The following COL4A3 variants were observed in gnomAD, a reference collection of about 807,000 sequenced individuals.
COL4A3 encodes collagen type IV alpha 3 chain, also known as collagen alpha-3(IV) chain.
COL4A3 carries 135 observed loss-of-function variants against 217.4 expected under a neutral mutation model. That is an observed-to-expected ratio of 0.62 (90% CI 0.54 to 0.72). The LOEUF is 0.72. Among genes scored for constraint, COL4A3 ranks in the 30% least tolerant of loss-of-function variants. The pLI, the probability that COL4A3 is intolerant of heterozygous loss-of-function variation, is 0.00. For synonymous variants in COL4A3, 690 were observed against 736.3 expected (o/e 0.94, Z 1.02); for missense variants, 1,868 against 2,119.9 (o/e 0.88, Z 2.33).
At chr2:227,222,510 T>C (rs1574609114) in intron 1 of COL4A3, 1 of 152,138 alleles carries the variant, frequency 6.6e-6, no homozygotes, top group African/African-American at 2.4e-5. Context: ...AATGTAGAGA[T>C]GAGTAAGATG....
chr2:227,178,116 T>G (rs1163050192), intron 1 of COL4A3, among the ~76,000 whole-genome samples: 1 of 152,182 alleles, frequency 6.6e-6, no homozygotes, highest in Non-Finnish European at 1.5e-5. Flanking sequence ...GACTCACACC[T>G]GGAATCTCAG....
At chr2:227,275,504 A>C (rs1380207849) in intron 26 of COL4A3, among the ~76,000 whole-genome samples, 3 of 152,126 alleles carry the variant, frequency 2.0e-5, no homozygotes, top group African/African-American at 7.2e-5. Flanking sequence ...CTAAGTGTGA[A>C]TCTTTACTAA....
At chr2:227,295,899 T>C (rs1372074768) in intron 41 of COL4A3, among the ~76,000 whole-genome samples, 1 of 152,232 alleles carries the variant, frequency 6.6e-6, no homozygotes, top group African/African-American at 2.4e-5. Context: ...CTTTACAAGA[T>C]AAACAGCTTC....
chr2:227,169,911 G>A (rs1450892595), intron 1 of COL4A3, among the ~76,000 whole-genome samples: 1 of 152,048 alleles, frequency 6.6e-6, no homozygotes, highest in Non-Finnish European at 1.5e-5. Flanking sequence ...TGATCACTAT[G>A]TTTATATTAA....
At position 227,277,322 on chromosome 2, in the gene COL4A3, GAAA is replaced by G. The variant is rs59353048; in HGVS notation, c.2021-111_2021-109del. 66,111 of 529,190 alleles carry G rather than the reference GAAA, an allele frequency of 0.12. 23 individuals carry two copies. The highest frequency in any genetic ancestry group is 0.16 in the Middle Eastern group (385 of 2,458). 32.8% of individuals were successfully genotyped at this position (529,190 alleles called of 1,614,324 possible). On this transcript the variant is annotated intron_variant, in intron 27 of 51. Transcript: ENST00000396578. ...CGACAGACCGAAACTCCATCAACAG[GAAA>G]AAAAAAAAAAAAAAACAATGTGCAA...
chr2:227,268,671 G>A (rs1313030197), intron 23 of COL4A3: 2 of 152,152 alleles, frequency 1.3e-5, no homozygotes, highest in African/African-American at 4.8e-5. Context: ...GGCTGCCCCT[G>A]CCCTGACTCA....
chr2:227,249,232 T>TATATATATATATATA (rs1559865184), intron 9 of COL4A3, among the ~76,000 whole-genome samples: 2 of 14,206 alleles, frequency 1.4e-4, no homozygotes, highest in African/African-American at 3.7e-4. Context: ...ATATATATAT[T>TATATATATATATATA]TTTTTTTTTT....
At chr2:227,217,865 CATT>C (rs2067584503) in intron 1 of COL4A3, among the ~76,000 whole-genome samples, 1 of 151,946 alleles carries the variant, frequency 6.6e-6, no homozygotes, top group African/African-American at 2.4e-5. Flanking sequence ...TACAGTTAAA[CATT>C]ATTCTGGACA....
At chr2:227,272,506 A>G (rs2071301485) in intron 25 of COL4A3, among the ~76,000 whole-genome samples, 2 of 152,256 alleles carry the variant, frequency 1.3e-5, no homozygotes. Flanking sequence ...AAAACTAGAC[A>G]GTTTATGAGA....
intron 2 of COL4A3, among the ~76,000 whole-genome samples, chr2:227,239,917 C>G (rs753173923): frequency 6.6e-6 from 1 of 152,138 alleles, no homozygotes; most frequent in Non-Finnish European, 1.5e-5. Flanking sequence ...TCTACAAGAC[C>G]AAGAGCCACC....
intron 11 of COL4A3, among the ~76,000 whole-genome samples, chr2:227,251,915 A>G (rs1425814971): frequency 1.3e-5 from 2 of 151,766 alleles, no homozygotes; most frequent in African/African-American, 4.8e-5. Flanking sequence ...CTAAAAATAC[A>G]AAAATTAGCC....
intron 19 of COL4A3, 122 bp from the exon 20 acceptor site, chr2:227,260,960 A>T: frequency 1.3e-6 from 1 of 794,422 alleles, no homozygotes; most frequent in Non-Finnish European, 2.2e-6. Flanking sequence ...AGGTGAGAGT[A>T]GGAAAAAAGT....
chr2:227,166,743 T>A (rs1365071213), intron 1 of COL4A3, among the ~76,000 whole-genome samples: 1 of 152,192 alleles, frequency 6.6e-6, no homozygotes, highest in Non-Finnish European at 1.5e-5. Flanking sequence ...AGAGAAAATA[T>A]GCCAGTAAAA....
rs754576734 is a variant in COL4A3 at position 227,282,332 on chromosome 2, G to T, written c.2489-33G>T. 1 of 1,551,952 alleles carries T rather than the reference G, an allele frequency of 6.4e-7. No homozygotes were observed. The highest frequency in any genetic ancestry group is 1.1e-5 in the South Asian group (1 of 89,878). ...AAGTTAGTAGGGGAAAGCATTTGTG[G>T]GTTAATTAATTCATTCATTTATTCG... On this transcript the variant is annotated intron_variant, in intron 31 of 51. Coordinates refer to ENST00000396578, the MANE Select transcript of COL4A3 (RefSeq NM_000091.5). This position sits in a 1 kb window ranked among gnomAD's most constrained non-coding sequence, Gnocchi z 4.4.
chr2:227,302,115 G>C (rs941736130), intron 43 of COL4A3: 1 of 152,222 alleles, frequency 6.6e-6, no homozygotes, highest in African/African-American at 2.4e-5. Context: ...CTTTGCTTGA[G>C]CATCTCCTGG....
At position 227,282,982 on chromosome 2, in the gene COL4A3, A is replaced by G. The variant is rs1248069490; in HGVS notation, c.2656+450A>G. Among the ~76,000 whole-genome samples the G allele has an allele frequency of 6.6e-6, 1 of 152,160 alleles. No homozygotes were observed. Among genetic ancestry groups the G allele is most frequent in the Non-Finnish European group, 1.5e-5 (1 of 68,022 alleles). ...AACATTTGGTAGAATTCACCAGTGA[A>G]GTTATCTGGGTCTGGGCATTTCTTT... On this transcript the variant is annotated intron_variant, in intron 32 of 51. Coordinates refer to ENST00000396578, the MANE Select transcript of COL4A3 (RefSeq NM_000091.5). This position sits in a 1 kb window ranked among gnomAD's most constrained non-coding sequence, Gnocchi z 4.4.
In COL4A3 at chr2:227,283,667, C is replaced by T. The variant is rs183014171; in HGVS notation, c.2657-100C>T. On this transcript the variant is annotated intron_variant, in intron 32 of 51. Transcript: ENST00000396578. ...GTACAGAGGCCATTTTTTCAACTCC[C>T]AATCTCTGCTTCTAAGTATAATTTA... 1.5e-3 allele frequency: 1,556 copies of T among 1,038,894 alleles called. 8 individuals carry two copies. The highest frequency in any genetic ancestry group is 4.3e-3 in the South Asian group (331 of 77,022). 64.4% of individuals were successfully genotyped at this position (1,038,894 alleles called of 1,614,324 possible).
chr2:227,294,385 C>G (rs1406133457), intron 38 of COL4A3, 105 bp from the exon 39 acceptor site: 1 of 841,002 alleles, frequency 1.2e-6, no homozygotes, highest in Non-Finnish European at 2.1e-6. Context: ...TTCCTTAAGG[C>G]CAGCGTGAGC....
At chr2:227,242,268 C>T (rs2069071149) in intron 3 of COL4A3, among the ~76,000 whole-genome samples, 1 of 152,112 alleles carries the variant, frequency 6.6e-6, no homozygotes, top group Non-Finnish European at 1.5e-5. Flanking sequence ...CTCATGGGAA[C>T]ATTTATCAGT....
Sources: allele counts gnomAD v4.1 joint callset (sites outside exome capture counted in the v4.1 genomes callset), GRCh38; gene constraint gnomAD v4.1.1; non-coding constraint Gnocchi (gnomAD v3.1); transcripts MANE v1.5; gene names NCBI Gene and HGNC (gene_info 2026-07-23, HGNC 2026-07-21).